CTSB: variants seen among roughly 807,000 people sequenced by gnomAD.
CTSB encodes cathepsin B.
A neutral mutation model predicts 44.3 loss-of-function variants in CTSB; 57 were observed. The ratio of observed to expected loss-of-function variants is 1.29; its 90% confidence interval spans 1.04 to 1.60. The LOEUF is 1.60. Ranked by LOEUF, CTSB falls within the 40% of genes most tolerant of loss-of-function variation. The probability of loss-of-function intolerance (pLI) is 0.00; values close to 1 mark genes in which losing one functional copy is unlikely to be tolerated. For synonymous variants in CTSB, 320 were observed against 168.0 expected, an observed-to-expected ratio of 1.91 and a Z score of -7.00; for missense variants, 768 against 443.0, an observed-to-expected ratio of 1.73 and a Z score of -6.59.
At chr8:11,848,810 C>A (rs1345733978) in intron 5 of CTSB, 4 of 437,436 alleles carry the variant, frequency 9.1e-6, no homozygotes, top group Non-Finnish European at 1.3e-5. Context: ...TTTTCTGAAA[C>A]TGACTGTTTT....
In CTSB at chr8:11,845,693, G is replaced by T; in HGVS notation, c.890C>A (p.Ala297Asp). 1 of 1,613,946 alleles carries T rather than the reference G, an allele frequency of 6.2e-7. No individual in the cohort carries two copies. Among genetic ancestry groups the T allele is most frequent in the Non-Finnish European group, 8.5e-7 (1 of 1,179,842 alleles). The stretch of plus-strand genomic sequence containing the variant: ...ACCCCAGTCAGTGTTCCAGGAGTTG[G>T]CAACCAGCCAGTAGGGTGTGCCATT... ...VENGTPYWLVANSWNTDWGDN... is the reference protein window; with the variant it reads ...VENGTPYWLVDNSWNTDWGDN... The change falls in exon 9 of 10, where the codon GCC (alanine) becomes GAC (aspartate). Residue 297 changes from alanine (A) to aspartate (D), a missense_variant. Ala to Asp is a moderately radical substitution (Grantham distance 126). Coordinates refer to ENST00000353047, the MANE Select transcript of CTSB (RefSeq NM_001908.5).
chr8:11,865,119 T>C (rs1005454818), intron 1 of CTSB, among the ~76,000 whole-genome samples: 13 of 152,158 alleles, frequency 8.5e-5, no homozygotes, highest in Non-Finnish European at 1.3e-4. Context: ...ACAGCACATC[T>C]GTACATGCCT....
At chr8:11,858,835 T>A (rs1815938324) in intron 1 of CTSB, among the ~76,000 whole-genome samples, 1 of 152,110 alleles carries the variant, frequency 6.6e-6, no homozygotes, top group Non-Finnish European at 1.5e-5. Flanking sequence ...CTTTCCAGGG[T>A]CTTTGCATGG....
At chr8:11,849,346 A>T (rs959274733) in intron 4 of CTSB, 182 bp from the exon 5 acceptor site, 3 of 498,816 alleles carry the variant, frequency 6.0e-6, no homozygotes, top group Non-Finnish European at 1.1e-5. Flanking sequence ...GGGTCTTGCT[A>T]CGTTGGCCAG....
chr8:11,850,996 T>G lies in CTSB; in HGVS notation c.213-16A>C. On this transcript the variant is annotated splice_polypyrimidine_tract_variant and intron_variant, in intron 3 of 9. Transcript: ENST00000353047. ...AAACATAACTCTGGATAAAGGAAGGTCTTCATTACAAGCTCTGATCCCACA... is the reference window on the plus strand; with the variant it reads ...AAACATAACTCTGGATAAAGGAAGGGCTTCATTACAAGCTCTGATCCCACA... 6.3e-7 allele frequency: 1 copy of G among 1,589,350 alleles called. No individual in the cohort carries two copies. Among genetic ancestry groups the G allele is most frequent in the Non-Finnish European group, 8.6e-7 (1 of 1,160,124 alleles).
chr8:11,845,364 C>G, intron 9 of CTSB, 142 bp from the exon 10 acceptor site: 2 of 694,394 alleles, frequency 2.9e-6, no homozygotes, highest in South Asian at 3.6e-5. Flanking sequence ...CACCACAAGG[C>G]TTCTGGAGCC....
chr8:11,865,427 A>G (rs1307114804), intron 1 of CTSB: 1 of 152,046 alleles, frequency 6.6e-6, no homozygotes, highest in Non-Finnish European at 1.5e-5. Context: ...AATCTCTACT[A>G]AAAATAAAAA....
intron 1 of CTSB, among the ~76,000 whole-genome samples, chr8:11,865,195 G>C (rs1184050919): frequency 6.6e-6 from 1 of 152,136 alleles, no homozygotes; most frequent in African/African-American, 2.4e-5. Flanking sequence ...GAAGTGCCCA[G>C]TAAATATCAC....
chr8:11,843,519 C>G lies in CTSB; in HGVS notation c.*1606G>C, dbSNP rs1468909359. 1 of 152,204 alleles carries G rather than the reference C, an allele frequency of 6.6e-6. No homozygotes were observed. The highest frequency in any genetic ancestry group is 1.9e-4 in the East Asian group (1 of 5,194). The allele number at this position is 152,204 out of a possible 1,614,324, so 9.4% of individuals were successfully genotyped here. ...GCTATAACATGTTTCTAAACCAGGG[C>G]TATGCAAAGCACTAGAGTTCCTGAC... On this transcript the variant is annotated 3_prime_UTR_variant, in exon 10 of 10. Coordinates refer to ENST00000353047, the MANE Select transcript of CTSB (RefSeq NM_001908.5).
At chr8:11,851,770 G>A (rs1052216810) in intron 3 of CTSB, among the ~76,000 whole-genome samples, 7 of 151,920 alleles carry the variant, frequency 4.6e-5, no homozygotes, top group African/African-American at 1.2e-4. Flanking sequence ...GGGTTCATGC[G>A]ATTCTCTAGC....
At position 11,844,571 on chromosome 8, in the gene CTSB, C is replaced by G. The variant is rs779826074; in HGVS notation, c.*554G>C. The G allele has an allele frequency of 1.3e-5, 2 of 152,568 alleles. No homozygotes were observed. Among genetic ancestry groups the G allele is most frequent in the Admixed American group, 6.5e-5 (1 of 15,376 alleles). 9.5% of individuals were successfully genotyped at this position (152,568 alleles called of 1,614,324 possible). On this transcript the variant is annotated 3_prime_UTR_variant, in exon 10 of 10. Coordinates refer to ENST00000353047, the MANE Select transcript of CTSB (RefSeq NM_001908.5). ...TCACCCACATGATTAGCAGAGTGCA[C>G]GAAAAAATAAAACTTCTATTAAAGA...
chr8:11,851,087 C>A, intron 3 of CTSB, 107 bp from the exon 4 acceptor site: 2 of 625,386 alleles, frequency 3.2e-6, no homozygotes, highest in Non-Finnish European at 5.7e-6. Flanking sequence ...AGGAAATGAG[C>A]ACAAGACATG....
chr8:11,845,893 T>G, intron 8 of CTSB, 104 bp from the exon 9 acceptor site: 1 of 1,375,074 alleles, frequency 7.3e-7, no homozygotes, highest in Non-Finnish European at 9.6e-7. Context: ...AGAAACAGCT[T>G]CCAGAGGGAA....
chr8:11,844,228 C>T lies in CTSB; in HGVS notation c.*897G>A, dbSNP rs1054054534. On this transcript the variant is annotated 3_prime_UTR_variant, in exon 10 of 10. Transcript: ENST00000353047. The stretch of plus-strand genomic sequence containing the variant: ...CAAGAGTCGCAAGAACATGCAGTTC[C>T]AGGACGTGATTCTCTGCAGGGACAA... 5 of 152,104 alleles carry T rather than the reference C, an allele frequency of 3.3e-5. No individual in the cohort carries two copies. The highest frequency in any genetic ancestry group is 9.7e-5 in the African/African-American group (4 of 41,398). The allele number at this position is 152,104 out of a possible 1,614,324, so 9.4% of individuals were successfully genotyped here. A position where few individuals can be genotyped will look rare whatever the true frequency, so the allele number is the denominator to read the frequency against.
intron 1 of CTSB, chr8:11,865,417 A>T (rs184190813): frequency 1.3e-5 from 2 of 152,056 alleles, no homozygotes; most frequent in African/African-American, 4.8e-5. Context: ...AGAGACAAAA[A>T]ATCTCTACTA....
rs778539859 is a variant in CTSB, at chr8:11,845,226, G to A, written c.923-4C>T. 4 of 1,605,858 alleles carry A rather than the reference G, an allele frequency of 2.5e-6. No homozygotes were observed. Among genetic ancestry groups the A allele is most frequent in the East Asian group, 4.5e-5 (2 of 44,834 alleles). ...CCTCTGAGTATTTTAAAGAAGCCTGGGAATAAAAAGTAAGGTGCTTTTAAA... is the reference window on the plus strand; with the variant it reads ...CCTCTGAGTATTTTAAAGAAGCCTGAGAATAAAAAGTAAGGTGCTTTTAAA... On this transcript the variant is annotated splice_polypyrimidine_tract_variant and splice_region_variant and intron_variant, in intron 9 of 9. Coordinates refer to ENST00000353047, the MANE Select transcript of CTSB (RefSeq NM_001908.5).
rs748846718 is a variant in CTSB, at chr8:11,845,170, C to T, written c.975G>A (p.Val325=). 6.2e-6 allele frequency: 10 copies of T among 1,614,128 alleles called. No homozygotes were observed. Among genetic ancestry groups the T allele is most frequent in the African/African-American group, 1.3e-5 (1 of 75,050 alleles). ...GATCGGTGCGTGGAATTCCAGCCAC[C>T]ACTTCTGATTCGATTCCACAGTGAT... is the stretch of plus-strand genomic sequence containing the variant. ...GQDHCGIESE[V]VAGIPRTDQY... Residue 325 remains valine (V), a synonymous_variant, in exon 10 of 10, where the codon GTG becomes GTA. Transcript: ENST00000353047.
intron 5 of CTSB, 137 bp downstream of exon 5, chr8:11,848,909 G>C (rs149797657): frequency 0.022 from 13,690 of 618,618 alleles, 219 homozygotes; most frequent in Middle Eastern, 0.066. Context: ...GGCCCTGCCT[G>C]CCAGACTCTC....
rs532017293 is a variant in CTSB, at chr8:11,853,612, G to C, written c.-25-133C>G. ...GGCCCAGGCGGAGAACTCTTAAGGA[G>C]CTGAGGTGTCTATGGGATCCCCGCC... On this transcript the variant is annotated intron_variant, in intron 1 of 9. Coordinates refer to ENST00000353047, the MANE Select transcript of CTSB (RefSeq NM_001908.5). 4.5e-5 allele frequency: 39 copies of C among 865,484 alleles called. No individual in the cohort carries two copies. The South Asian group carries it at 6.7e-4, about 15-fold the overall frequency. 53.6% of individuals were successfully genotyped at this position (865,484 alleles called of 1,614,324 possible).
Sources: allele counts gnomAD v4.1 joint callset (sites outside exome capture counted in the v4.1 genomes callset), GRCh38; gene constraint gnomAD v4.1.1; transcripts MANE v1.5; gene names NCBI Gene and HGNC (gene_info 2026-07-23, HGNC 2026-07-21).